Variants in CLMN observed in about 807,000 individuals in gnomAD.
CLMN encodes the protein calmin, also known as calmin (calponin-like, transmembrane).
CLMN carries 57 observed loss-of-function variants against 92.7 expected under a neutral mutation model. That is an observed-to-expected ratio of 0.61 (90% confidence interval 0.50 to 0.77). The LOEUF (loss-of-function observed/expected upper bound fraction) is 0.77. Ranked by LOEUF, CLMN falls within the 30% of genes least tolerant of loss-of-function variation. CLMN has a pLI of 0.00. For missense variants in CLMN, 1,158 were observed against 1,237.5 expected (o/e 0.94, Z 0.96); for synonymous variants, 466 against 470.6 (o/e 0.99, Z 0.13).
intron 1 of CLMN, among the ~76,000 whole-genome samples, chr14:95,279,970 TTG>T (rs1287357618): frequency 3.4e-3 from 442 of 131,842 alleles, no homozygotes; most frequent in African/African-American, 0.013. Flanking sequence ...GAATATGTTG[TTG>T]TTTTTTTTTT....
chr14:95,274,904 A>AG (rs1351078422), intron 1 of CLMN, among the ~76,000 whole-genome samples: 1 of 148,612 alleles, frequency 6.7e-6, no homozygotes, highest in Non-Finnish European at 1.5e-5. Flanking sequence ...GCTTGAACCC[A>AG]GGGGGGCAGA....
rs757749830 is a variant in CLMN, at chr14:95,221,752, G to A, written c.263C>T (p.Ser88Leu). 76 of 1,614,006 alleles carry A rather than the reference G, an allele frequency of 4.7e-5. No homozygotes were observed. Among genetic ancestry groups the A allele is most frequent in the Admixed American group, 3.7e-4 (22 of 59,986 alleles). Residue 88 changes from serine to leucine, a missense_variant, in exon 4 of 13, where the codon TCG (serine) becomes TTG (leucine). Coordinates refer to ENST00000298912, the MANE Select transcript of CLMN (RefSeq NM_024734.4). ...GTTGTTCAACCGAAAAATACGATGCGACGAGGATTTGTATTCGTGCAGCTA... is the reference window on the plus strand; with the variant it reads ...GTTGTTCAACCGAAAAATACGATGCAACGAGGATTTGTATTCGTGCAGCTA... ...RNLLHEYKSSSHRIFRLNNIA... is the reference protein window; with the variant it reads ...RNLLHEYKSSLHRIFRLNNIA...
chr14:95,310,335 T>C (rs1901480472), intron 1 of CLMN, among the ~76,000 whole-genome samples: 1 of 152,256 alleles, frequency 6.6e-6, no homozygotes, highest in East Asian at 1.9e-4. Flanking sequence ...GCAGCACTGC[T>C]CTCAACTCTG....
In CLMN at chr14:95,194,124, G is replaced by A. The variant is rs755535911; in HGVS notation, c.2770-205C>T. On this transcript the variant is annotated intron_variant, in intron 11 of 12. Coordinates refer to ENST00000298912, the MANE Select transcript of CLMN (RefSeq NM_024734.4). This position sits in a 1 kb window ranked among gnomAD's most constrained non-coding sequence, Gnocchi z 4.0. ...CCCTAAGCCCCTCCCTTGTGAGTGC[G>A]AGAGACCCCACCACCCGGAACCCGG... The A allele has an allele frequency of 3.5e-5, 49 of 1,417,372 alleles. No homozygotes were observed. Among genetic ancestry groups the A allele is most frequent in the Middle Eastern group, 2.6e-4 (1 of 3,872 alleles). 87.8% of individuals were successfully genotyped at this position (1,417,372 alleles called of 1,614,324 possible).
intron 1 of CLMN, among the ~76,000 whole-genome samples, chr14:95,285,239 C>A (rs1331357738): frequency 6.6e-6 from 1 of 152,192 alleles, no homozygotes; most frequent in Non-Finnish European, 1.5e-5. Context: ...ACTTCTTTTT[C>A]TTCCCAGTCG....
chr14:95,316,880 G>A (rs1159100311), intron 1 of CLMN, among the ~76,000 whole-genome samples: 3 of 152,184 alleles, frequency 2.0e-5, no homozygotes, highest in Admixed American at 6.5e-5. Context: ...AGCAGCTGCT[G>A]CCTACAGATG....
intron 2 of CLMN, among the ~76,000 whole-genome samples, chr14:95,227,507 T>C (rs1212718822): frequency 6.6e-6 from 1 of 152,144 alleles, no homozygotes; most frequent in Non-Finnish European, 1.5e-5. Context: ...GAATACCCCC[T>C]GATAAATGGA....
At chr14:95,195,524 C>CATACAGA (rs989982665) in intron 10 of CLMN, among the ~76,000 whole-genome samples, 1 of 152,232 alleles carries the variant, frequency 6.6e-6, no homozygotes, top group African/African-American at 2.4e-5. Context: ...TTCTCCCTAC[C>CATACAGA]CCTCCCCAAA....
In CLMN at chr14:95,203,117, T is replaced by C; in HGVS notation, c.2232A>G (p.Val744=). The change falls in exon 9 of 13, where the codon GTA becomes GTG. Residue 744 remains valine, a synonymous_variant. Coordinates refer to ENST00000298912, the MANE Select transcript of CLMN (RefSeq NM_024734.4). ...CATTTTTTAGATCCTCCGGGTCTTCTACATAAGCCTCCAAAACTGCAGCCA... is the reference window on the plus strand; with the variant it reads ...CATTTTTTAGATCCTCCGGGTCTTCCACATAAGCCTCCAAAACTGCAGCCA... ...VPLAAVLEAY[V]EDPEDLKNEE... 1 of 1,613,386 alleles carries C rather than the reference T, an allele frequency of 6.2e-7. No individual in the cohort carries two copies. Among genetic ancestry groups the C allele is most frequent in the Non-Finnish European group, 8.5e-7 (1 of 1,180,012 alleles).
intron 6 of CLMN, among the ~76,000 whole-genome samples, chr14:95,211,381 T>G (rs1897192401): frequency 6.6e-6 from 1 of 152,150 alleles, no homozygotes; most frequent in African/African-American, 2.4e-5. Context: ...AACGGCCAAG[T>G]CATAGGGTCA....
intron 1 of CLMN, among the ~76,000 whole-genome samples, chr14:95,309,094 A>G (rs1901415522): frequency 6.6e-6 from 1 of 152,202 alleles, no homozygotes; most frequent in South Asian, 2.1e-4. Context: ...GGAAACACAG[A>G]CGACATCATT....
intron 1 of CLMN, among the ~76,000 whole-genome samples, chr14:95,295,906 G>A (rs1275872708): frequency 1.3e-5 from 2 of 152,194 alleles, no homozygotes; most frequent in African/African-American, 2.4e-5. Flanking sequence ...TAGCTTCCTT[G>A]GTTTCCCTTG....
intron 1 of CLMN, among the ~76,000 whole-genome samples, chr14:95,232,150 C>T (rs530319211): frequency 1.3e-5 from 2 of 152,348 alleles, no homozygotes; most frequent in East Asian, 3.9e-4. Context: ...CTCGAGCACC[C>T]GGAGGGTGTT....
At chr14:95,214,727 G>A (rs1218217618) in intron 5 of CLMN, among the ~76,000 whole-genome samples, 1 of 150,572 alleles carries the variant, frequency 6.6e-6, no homozygotes, top group Non-Finnish European at 1.5e-5. Context: ...CTGAGGCTCT[G>A]AGAGAGACAG....
chr14:95,302,014 A>G (rs1040984211), intron 1 of CLMN, among the ~76,000 whole-genome samples: 3 of 152,228 alleles, frequency 2.0e-5, no homozygotes, highest in Admixed American at 6.5e-5. Context: ...TGGTCGTGCC[A>G]TGAACTCCAG....
intron 1 of CLMN, chr14:95,296,242 G>T (rs1900804678): frequency 6.6e-6 from 1 of 152,210 alleles, no homozygotes; most frequent in Non-Finnish European, 1.5e-5. Flanking sequence ...AGAGGAAGGG[G>T]GCTGGACTTA....
chr14:95,221,637 T>C (rs1897542556), intron 4 of CLMN, 54 bp downstream of exon 4: 1 of 1,508,458 alleles, frequency 6.6e-7, no homozygotes, highest in East Asian at 2.3e-5. Context: ...TCAAATGACG[T>C]CCTTTTCCTA....
chr14:95,250,412 C>T (rs1898735088), intron 1 of CLMN, among the ~76,000 whole-genome samples: 1 of 152,206 alleles, frequency 6.6e-6, no homozygotes, highest in South Asian at 2.1e-4. Context: ...TGCATAAATG[C>T]CTGTGGGTAC....
intron 1 of CLMN, among the ~76,000 whole-genome samples, chr14:95,245,138 G>A (rs1235879406): frequency 1.1e-5 from 1 of 89,044 alleles, no homozygotes; most frequent in Non-Finnish European, 2.2e-5. Flanking sequence ...TGAATTTCCT[G>A]ACCGCAAAGT....
Sources: gnomAD v4.1 joint callset for allele counts (sites outside exome capture counted in the v4.1 genomes callset) on GRCh38, gnomAD v4.1.1 for gene constraint, Gnocchi (gnomAD v3.1) non-coding constraint, MANE v1.5 for transcripts, NCBI Gene and HGNC (gene_info 2026-07-23, HGNC 2026-07-21) for gene names.